SNTN: variants seen among roughly 807,000 people sequenced by gnomAD.
SNTN encodes sentan, cilia apical structure protein.
In SNTN, 13 loss-of-function variants were observed where a neutral mutation model predicts 12.3. The ratio of observed to expected loss-of-function variants is 1.05; its 90% confidence interval spans 0.69 to 1.67. The LOEUF is 1.67. Ranked by LOEUF, SNTN falls within the 40% of genes most tolerant of loss-of-function variation. SNTN has a pLI of 0.00. For missense variants in SNTN, 189 were observed against 169.8 expected (o/e 1.11, Z -0.63); for synonymous variants, 69 against 58.5 (o/e 1.18, Z -0.82).
At chr3:63,654,930 A>G in intron 2 of SNTN, 134 bp downstream of exon 2, 1 of 773,894 alleles carries the variant, frequency 1.3e-6, no homozygotes, top group African/African-American at 1.8e-5. Flanking sequence ...TCAAATATTC[A>G]TGATGTTCTT....
intron 1 of SNTN, among the ~76,000 whole-genome samples, chr3:63,654,326 A>C (rs1447001160): frequency 3.3e-5 from 5 of 152,186 alleles, no homozygotes; most frequent in Non-Finnish European, 7.3e-5. Context: ...GACAGTCCAG[A>C]GTGGGAGTTC....
At chr3:63,655,313 C>T (rs1700665807) in intron 2 of SNTN, among the ~76,000 whole-genome samples, 1 of 152,110 alleles carries the variant, frequency 6.6e-6, no homozygotes, top group Non-Finnish European at 1.5e-5. Context: ...GAAAAAAACG[C>T]TTGTATACTT....
chr3:63,660,651 G>A (rs113942873), intron 3 of SNTN, among the ~76,000 whole-genome samples: 17 of 152,268 alleles, frequency 1.1e-4, no homozygotes, highest in African/African-American at 4.1e-4. Flanking sequence ...CCCAATTTCT[G>A]ACTTACAAAA....
intron 1 of SNTN, among the ~76,000 whole-genome samples, 190 bp from the exon 2 acceptor site, chr3:63,654,572 T>C (rs1368867990): frequency 2.0e-5 from 3 of 152,220 alleles, no homozygotes; most frequent in Non-Finnish European, 2.9e-5. Flanking sequence ...TGGCCAGCCA[T>C]GTGCAGGCAT....
chr3:63,659,764 C>A lies in SNTN; in HGVS notation c.185C>A (p.Thr62Asn), dbSNP rs766973160. 3.7e-6 allele frequency: 6 copies of A among 1,614,008 alleles called. No individual in the cohort carries two copies. In the South Asian group the frequency reaches 6.6e-5, roughly 18 times the overall value. Residue 62 changes from threonine (T) to asparagine (N), a missense_variant, in exon 3 of 4, where the codon ACC (threonine) becomes AAC (asparagine). Thr to Asn is a moderately conservative substitution (Grantham distance 65, BLOSUM62 0). Coordinates refer to ENST00000343837, the MANE Select transcript of SNTN (RefSeq NM_001080537.2). ...TCAGATCTGGAAAAAGCTATTGCCACCACTGCTCTGATTTTCAGAAATTCT... is the reference window on the plus strand; with the variant it reads ...TCAGATCTGGAAAAAGCTATTGCCAACACTGCTCTGATTTTCAGAAATTCT... The part of the protein sequence containing the change: ...KCSDLEKAIA[T>N]TALIFRNSSD...
chr3:63,662,013 G>C (rs558724137), intron 3 of SNTN, among the ~76,000 whole-genome samples: 25 of 152,248 alleles, frequency 1.6e-4, no homozygotes, highest in African/African-American at 5.8e-4. Flanking sequence ...CTAAACCCTA[G>C]AAGTACAGCC....
At chr3:63,654,339 G>T (rs1203343961) in intron 1 of SNTN, among the ~76,000 whole-genome samples, 1 of 152,174 alleles carries the variant, frequency 6.6e-6, no homozygotes, top group Non-Finnish European at 1.5e-5. Context: ...GGGAGTTCCA[G>T]GTCTGTGACT....
At chr3:63,653,218 C>T (rs1272139958) in intron 1 of SNTN, among the ~76,000 whole-genome samples, 1 of 152,120 alleles carries the variant, frequency 6.6e-6, no homozygotes, top group East Asian at 1.9e-4. Flanking sequence ...TTTGTGGACA[C>T]CTAGCAAGTT....
At chr3:63,654,716 T>A (rs1700657054) in intron 1 of SNTN, 46 bp from the exon 2 acceptor site, 1 of 1,571,688 alleles carries the variant, frequency 6.4e-7, no homozygotes, top group Non-Finnish European at 8.7e-7. Context: ...CTGATATCAA[T>A]ACCCCAACTC....
At chr3:63,654,703 A>G (rs920337020) in intron 1 of SNTN, 59 bp from the exon 2 acceptor site, 8 of 1,449,144 alleles carry the variant, frequency 5.5e-6, no homozygotes, top group Middle Eastern at 1.8e-4. Flanking sequence ...TCTGCTATAG[A>G]TGCTGATATC....
intron 2 of SNTN, among the ~76,000 whole-genome samples, chr3:63,655,249 C>G (rs1245716107): frequency 1.3e-5 from 2 of 152,094 alleles, no homozygotes; most frequent in Admixed American, 1.3e-4. Context: ...AAATCAATTG[C>G]ATAGGTAAAA....
rs1290132400 is a variant in SNTN, at chr3:63,664,233, T to C, written c.*138T>C. 2 of 764,896 alleles carry C rather than the reference T, an allele frequency of 2.6e-6. No individual in the cohort carries two copies. Among genetic ancestry groups the C allele is most frequent in the Admixed American group, 3.1e-5 (1 of 32,142 alleles). The allele number at this position is 764,896 out of a possible 1,614,324, so 47.4% of individuals were successfully genotyped here. On this transcript the variant is annotated 3_prime_UTR_variant, in exon 4 of 4. Coordinates refer to ENST00000343837, the MANE Select transcript of SNTN (RefSeq NM_001080537.2). Reference sequence around the variant, plus strand: ...ATGGTTCTGATTGCTGGTATTCAGATCCAATGTAACTCCAAATATTTACCC... The same window carrying C: ...ATGGTTCTGATTGCTGGTATTCAGACCCAATGTAACTCCAAATATTTACCC...
Position 63,659,771 on chromosome 3 carries a change from T to C in SNTN, c.192T>C (p.Ala64=). 6.2e-7 allele frequency: 1 copy of C among 1,614,006 alleles called. No homozygotes were observed. The highest frequency in any genetic ancestry group is 8.5e-7 in the Non-Finnish European group (1 of 1,179,892). ...TGGAAAAAGCTATTGCCACCACTGC[T>C]CTGATTTTCAGAAATTCTTCTGACT... The part of the protein sequence containing the change: ...SDLEKAIATT[A]LIFRNSSDSD... Residue 64 remains alanine, a synonymous_variant, in exon 3 of 4, where the codon GCT becomes GCC. Transcript: ENST00000343837.
chr3:63,659,829 G>C lies in SNTN; in HGVS notation c.250G>C (p.Asp84His). The C allele has an allele frequency of 6.2e-7, 1 of 1,613,972 alleles. No individual in the cohort carries two copies. The highest frequency in any genetic ancestry group is 2.2e-5 in the East Asian group (1 of 44,864). Residue 84 changes from aspartate to histidine, a missense_variant, in exon 3 of 4, where the codon GAT becomes CAT. Coordinates refer to ENST00000343837, the MANE Select transcript of SNTN (RefSeq NM_001080537.2). ...DGKLEKAIAK[D>H]LLQTQFRNFA... ...TAAACTTGAAAAAGCTATTGCCAAA[G>C]ATCTGCTGCAAACCCAATTTAGGAA...
Position 63,664,231 on chromosome 3 carries a change from G to T in SNTN, c.*136G>T. On this transcript the variant is annotated 3_prime_UTR_variant, in exon 4 of 4. Transcript: ENST00000343837. ...GGATGGTTCTGATTGCTGGTATTCA[G>T]ATCCAATGTAACTCCAAATATTTAC... The T allele has an allele frequency of 1.3e-6, 1 of 774,658 alleles. No homozygotes were observed. Among genetic ancestry groups the T allele is most frequent in the Non-Finnish European group, 2.0e-6 (1 of 500,226 alleles). The allele number at this position is 774,658 out of a possible 1,614,324, so 48.0% of individuals were successfully genotyped here. A position where few individuals can be genotyped will look rare whatever the true frequency, so the allele number is the denominator to read the frequency against.
chr3:63,659,610 C>A (rs1700719054), intron 2 of SNTN, 115 bp from the exon 3 acceptor site: 3 of 1,229,316 alleles, frequency 2.4e-6, no homozygotes, highest in African/African-American at 1.5e-5. Context: ...AGATAGGAGG[C>A]AAAGGGCCAA....
intron 1 of SNTN, among the ~76,000 whole-genome samples, chr3:63,653,302 C>T (rs902904319): frequency 6.6e-6 from 1 of 151,940 alleles, no homozygotes. Flanking sequence ...AAGGGTCTCA[C>T]AGACCCTTGA....
intron 3 of SNTN, among the ~76,000 whole-genome samples, chr3:63,663,215 T>C (rs1277808012): frequency 1.3e-5 from 2 of 152,138 alleles, no homozygotes; most frequent in Non-Finnish European, 2.9e-5. Context: ...GTAGATGGGC[T>C]ACAAACCCTG....
chr3:63,659,646 C>G lies in SNTN; in HGVS notation c.146-79C>G. 1.9e-6 allele frequency: 3 copies of G among 1,556,046 alleles called. 1 individual carries two copies. Among genetic ancestry groups the G allele is most frequent in the South Asian group, 2.3e-5 (2 of 86,880 alleles). ...GATTTAGAAGGTTCCCTACAGTTCC[C>G]TTGGAAGACACAACAGCAGGTCTGG... On this transcript the variant is annotated intron_variant, in intron 2 of 3. Coordinates refer to ENST00000343837, the MANE Select transcript of SNTN (RefSeq NM_001080537.2).
Sources: gnomAD v4.1 joint callset for allele counts (sites outside exome capture counted in the v4.1 genomes callset) on GRCh38, gnomAD v4.1.1 for gene constraint, MANE v1.5 for transcripts, NCBI Gene and HGNC (gene_info 2026-07-23, HGNC 2026-07-21) for gene names.